WNT8B: variants seen among roughly 807,000 people sequenced by gnomAD.
WNT8B encodes the protein Wnt family member 8B.
A neutral mutation model predicts 36.6 loss-of-function variants in WNT8B; 24 were observed. The ratio of observed to expected loss-of-function variants is 0.66; its 90% CI spans 0.48 to 0.92. WNT8B has a LOEUF of 0.92. WNT8B is among the 40% of genes least tolerant of loss of function. The pLI is 0.00. For synonymous variants in WNT8B, 199 were observed against 189.8 expected, an observed-to-expected ratio of 1.05 and a Z score of -0.40; for missense variants, 402 against 470.8, an observed-to-expected ratio of 0.85 and a Z score of 1.35.
intron 4 of WNT8B, 26 bp downstream of exon 4, chr10:100,481,149 C>A (rs1482656509): frequency 6.2e-7 from 1 of 1,611,458 alleles, no homozygotes; most frequent in Non-Finnish European, 8.5e-7. Context: ...GGGATGGGTA[C>A]CATAGGCCAG....
At position 100,482,276 on chromosome 10, in the gene WNT8B, G is replaced by A. The variant is rs371605206; in HGVS notation, c.516G>A (p.Val172=). ...ACTCCTAGCTCTCTCCCCAGGCGGTGAAGGGCACCATGAAACGCACGTGCA... is the reference window on the plus strand; with the variant it reads ...ACTCCTAGCTCTCTCCCCAGGCGGTAAAGGGCACCATGAAACGCACGTGCA... ...LHNNEAGRKA[V]KGTMKRTCKC... is the part of the protein sequence containing the mutation. The change falls in exon 6 of 6, where the codon GTG becomes GTA. Residue 172 remains valine (V), a synonymous_variant. Transcript: ENST00000343737. The surrounding 1 kb of genome is among the most constrained non-coding windows in gnomAD (Gnocchi z 6.6). The A allele has an allele frequency of 4.7e-5, 74 of 1,584,494 alleles. No homozygotes were observed. The highest frequency in any genetic ancestry group is 6.2e-5 in the Non-Finnish European group (73 of 1,169,924).
rs1360261054 is a variant in WNT8B at position 100,482,401 on chromosome 10, C to A, written c.641C>A (p.Ala214Glu). The A allele has an allele frequency of 2.5e-6, 4 of 1,607,332 alleles. No homozygotes were observed. Among genetic ancestry groups the A allele is most frequent in the Non-Finnish European group, 3.4e-6 (4 of 1,179,954 alleles). Residue 214 changes from alanine to glutamate, a missense_variant, in exon 6 of 6, where the codon GCA becomes GAA. This residue lies in a region of WNT8B where 256 missense variants were observed against 278.6 expected (regional missense o/e 0.92). Coordinates refer to ENST00000343737, the MANE Select transcript of WNT8B (RefSeq NM_003393.4). The surrounding 1 kb of genome is among the most constrained non-coding windows in gnomAD (Gnocchi z 6.6). ...VGAHLKEKYH[A>E]ALKVDLLQGA... is the part of the protein sequence containing the mutation. ...GCGCACCTGAAGGAGAAGTACCACG[C>A]AGCACTCAAGGTGGACCTGCTGCAG...
chr10:100,468,994 A>G (rs1211659224), intron 1 of WNT8B, among the ~76,000 whole-genome samples: 1 of 152,182 alleles, frequency 6.6e-6, no homozygotes, highest in Non-Finnish European at 1.5e-5. Context: ...TTCTCTTTTC[A>G]TATTTTAGGG....
intron 4 of WNT8B, among the ~76,000 whole-genome samples, chr10:100,481,596 A>C (rs1387620063): frequency 2.0e-5 from 3 of 152,172 alleles, no homozygotes; most frequent in Non-Finnish European, 2.9e-5. Flanking sequence ...CTCAATCACC[A>C]GCAGGGCACG....
intron 1 of WNT8B, among the ~76,000 whole-genome samples, chr10:100,476,537 C>T (rs1851040039): frequency 6.6e-6 from 1 of 152,052 alleles, no homozygotes; most frequent in South Asian, 2.1e-4. Flanking sequence ...ATTTCCAATC[C>T]CCTTTCTGGT....
chr10:100,476,423 C>T (rs1365251927), intron 1 of WNT8B, among the ~76,000 whole-genome samples: 2 of 152,022 alleles, frequency 1.3e-5, no homozygotes, highest in African/African-American at 2.4e-5. Flanking sequence ...TTTGTTAATA[C>T]TGGTTTTCAA....
chr10:100,468,093 T>C (rs1409834361), intron 1 of WNT8B, among the ~76,000 whole-genome samples: 2 of 152,220 alleles, frequency 1.3e-5, no homozygotes, highest in Non-Finnish European at 2.9e-5. Flanking sequence ...GTCATTCAAA[T>C]ACATGTTTGT....
chr10:100,479,777 G>C (rs1264065073), intron 2 of WNT8B, 97 bp from the exon 3 acceptor site: 1 of 1,456,330 alleles, frequency 6.9e-7, no homozygotes, highest in East Asian at 2.3e-5. Context: ...CATTATTTTG[G>C]AGGGATGGGA....
At chr10:100,480,107 A>C in intron 3 of WNT8B, 95 bp downstream of exon 3, 2 of 1,415,150 alleles carry the variant, frequency 1.4e-6, no homozygotes, top group Non-Finnish European at 1.9e-6. Context: ...CTTATTCCTC[A>C]CCTGCTCTCT....
chr10:100,483,157 A>G lies in WNT8B; in HGVS notation c.*341A>G. 4.0e-6 allele frequency: 1 copy of G among 252,742 alleles called. No individual in the cohort carries two copies. The highest frequency in any genetic ancestry group is 7.5e-6 in the Non-Finnish European group (1 of 133,858). 15.7% of individuals were successfully genotyped at this position (252,742 alleles called of 1,614,324 possible). On this transcript the variant is annotated 3_prime_UTR_variant, in exon 6 of 6. Transcript: ENST00000343737. ...CCTATCAAGCCTTAGGCGCTGGAAG[A>G]ACCCTTCTCAGACACGCAGGACCCA...
At chr10:100,479,277 A>G (rs1851079611) in intron 2 of WNT8B, among the ~76,000 whole-genome samples, 192 bp downstream of exon 2, 1 of 152,202 alleles carries the variant, frequency 6.6e-6, no homozygotes, top group Non-Finnish European at 1.5e-5. Flanking sequence ...CAGCGCCAAG[A>G]TAAGAACGCA....
At chr10:100,478,476 C>A (rs1422436696) in intron 1 of WNT8B, among the ~76,000 whole-genome samples, 3 of 152,204 alleles carry the variant, frequency 2.0e-5, no homozygotes, top group African/African-American at 7.2e-5. Context: ...CAGCAACCAT[C>A]ACTATCAGGT....
At chr10:100,476,720 G>A (rs1203006069) in intron 1 of WNT8B, among the ~76,000 whole-genome samples, 1 of 152,146 alleles carries the variant, frequency 6.6e-6, no homozygotes, top group African/African-American at 2.4e-5. Context: ...CTTTAGCCCT[G>A]CAGATCATGT....
intron 1 of WNT8B, among the ~76,000 whole-genome samples, chr10:100,475,402 A>G (rs574651998): frequency 6.6e-6 from 1 of 152,328 alleles, no homozygotes; most frequent in South Asian, 2.1e-4. Context: ...AAGTCACTTT[A>G]TAGGAATGTT....
intron 1 of WNT8B, among the ~76,000 whole-genome samples, chr10:100,474,386 T>G (rs1196743604): frequency 6.6e-6 from 1 of 152,212 alleles, no homozygotes; most frequent in Admixed American, 6.5e-5. Flanking sequence ...ATCACATAAC[T>G]GCCACATAGA....
Position 100,478,408 on chromosome 10 carries a change from T to C in WNT8B, c.69-644T>C, listed in dbSNP as rs1040508906. Reference sequence around the variant, plus strand: ...CATGTAAAATACCGAGAGTAGAGCATAAGGAACATAGTCAGGAGTTAATGC... The same window carrying C: ...CATGTAAAATACCGAGAGTAGAGCACAAGGAACATAGTCAGGAGTTAATGC... On this transcript the variant is annotated intron_variant, in intron 1 of 5. Coordinates refer to ENST00000343737, the MANE Select transcript of WNT8B (RefSeq NM_003393.4). Among the ~76,000 whole-genome samples, 7 of 152,254 alleles carry C rather than the reference T, an allele frequency of 4.6e-5. 1 individual carries two copies. Among genetic ancestry groups the C allele is most frequent in the African/African-American group, 1.4e-4 (6 of 41,566 alleles).
intron 1 of WNT8B, among the ~76,000 whole-genome samples, chr10:100,469,685 T>C (rs1850952645): frequency 6.6e-6 from 1 of 152,270 alleles, no homozygotes; most frequent in Non-Finnish European, 1.5e-5. Flanking sequence ...TAGTAAGACC[T>C]ACTTTCTGTG....
chr10:100,468,968 G>T (rs1266497863), intron 1 of WNT8B, among the ~76,000 whole-genome samples: 2 of 152,086 alleles, frequency 1.3e-5, no homozygotes, highest in Non-Finnish European at 2.9e-5. Flanking sequence ...TTGTCAATTG[G>T]CTTACAAGAC....
chr10:100,464,612 C>G (rs1054481333), intron 1 of WNT8B, among the ~76,000 whole-genome samples: 7 of 152,172 alleles, frequency 4.6e-5, no homozygotes, highest in African/African-American at 1.7e-4. Flanking sequence ...GATACTGACA[C>G]AGCCACACTG....
Sources: allele counts gnomAD v4.1 joint callset (sites outside exome capture counted in the v4.1 genomes callset), GRCh38; gene constraint gnomAD v4.1.1; regional missense constraint gnomAD v4.1.1; non-coding constraint Gnocchi (gnomAD v3.1); transcripts MANE v1.5; gene names NCBI Gene and HGNC (gene_info 2026-07-23, HGNC 2026-07-21).